TG: variants seen among roughly 807,000 people sequenced by gnomAD.
TG encodes the protein thyroglobulin.
A neutral mutation model predicts 324.7 loss-of-function variants in TG; 270 were observed. That is an observed-to-expected ratio of 0.83 (90% CI 0.75 to 0.92). The LOEUF is 0.92. Ranked by LOEUF, TG falls within the 40% of genes least tolerant of loss-of-function variation. The pLI is 0.00. For missense variants in TG, 3,591 were observed against 3,456.4 expected, an observed-to-expected ratio of 1.04 and a Z score of -0.98; for synonymous variants, 1,401 against 1,327.0, an observed-to-expected ratio of 1.06 and a Z score of -1.21.
At chr8:132,963,123 A>G (rs754842802) in intron 29 of TG, 49 bp downstream of exon 29, 1 of 1,541,536 alleles carries the variant, frequency 6.5e-7, no homozygotes, top group Non-Finnish European at 9.0e-7. Context: ...GAATGCAGAG[A>G]CTAAATGGGT....
At chr8:133,081,362 C>T (rs1441110547) in intron 41 of TG, among the ~76,000 whole-genome samples, 1 of 152,248 alleles carries the variant, frequency 6.6e-6, no homozygotes, top group Non-Finnish European at 1.5e-5. Context: ...GGTGACTTTT[C>T]ACCTCTGGGG....
chr8:133,049,857 C>A, intron 41 of TG: 2 of 1,197,946 alleles, frequency 1.7e-6, no homozygotes, highest in Non-Finnish European at 2.5e-6. Context: ...GAGTCACCAG[C>A]ATACGCATCA....
In TG at chr8:132,923,620, T is replaced by C. The variant is rs1467467646; in HGVS notation, c.4699+112T>C. On this transcript the variant is annotated intron_variant, in intron 22 of 47. Transcript: ENST00000220616. ...GTGCATTTGTCTCCAACTTTTTGTT[T>C]TGAAAAATTTTAATCTGTGTAGAAG... The C allele has an allele frequency of 6.9e-6, 9 of 1,299,260 alleles. No homozygotes were observed. The Admixed American group carries it at 1.1e-4, about 16-fold the overall frequency. 80.5% of individuals were successfully genotyped at this position (1,299,260 alleles called of 1,614,324 possible). A position where few individuals can be genotyped will look rare whatever the true frequency, so the allele number is the denominator to read the frequency against.
chr8:133,045,048 G>A (rs754461378), intron 41 of TG: 3 of 1,614,176 alleles, frequency 1.9e-6, no homozygotes, highest in Admixed American at 1.7e-5. Context: ...TGTAGTACCA[G>A]TTGTTGGGCA....
At chr8:132,942,544 C>A (rs1045302874) in intron 26 of TG, among the ~76,000 whole-genome samples, 2 of 152,124 alleles carry the variant, frequency 1.3e-5, no homozygotes, top group Non-Finnish European at 2.9e-5. Context: ...CATATATGTG[C>A]AATGGAATGT....
intron 10 of TG, 27 bp downstream of exon 10, chr8:132,888,595 ATGTGTGTG>A (rs3832581): frequency 7.5e-6 from 10 of 1,338,278 alleles, no homozygotes; most frequent in South Asian, 4.2e-5. Flanking sequence ...GAAGAGTTAA[ATGTGTGTG>A]TGTGTGTGTG....
At chr8:133,093,054 C>A (rs185252614) in intron 41 of TG, among the ~76,000 whole-genome samples, 27 of 152,248 alleles carry the variant, frequency 1.8e-4, no homozygotes, top group Admixed American at 6.5e-4. Flanking sequence ...CCTGTGGGCC[C>A]TTCTGCTGTT....
chr8:133,046,118 T>G (rs895131238), intron 41 of TG, among the ~76,000 whole-genome samples: 1 of 152,146 alleles, frequency 6.6e-6, no homozygotes, highest in Admixed American at 6.5e-5. Flanking sequence ...TTTCCTCAAA[T>G]GCAAAATGAA....
intron 41 of TG, among the ~76,000 whole-genome samples, chr8:133,086,200 T>C (rs1588046807): frequency 6.6e-6 from 1 of 151,570 alleles, no homozygotes; most frequent in Admixed American, 6.6e-5. Context: ...CGGCTGGGAG[T>C]GAGGGTGGAG....
chr8:132,935,226 C>T (rs1388941843), intron 24 of TG, among the ~76,000 whole-genome samples: 7 of 151,816 alleles, frequency 4.6e-5, no homozygotes, highest in African/African-American at 9.7e-5. Context: ...CTGCAACCTC[C>T]GCCTCCCAGG....
At chr8:132,881,717 G>A (rs1814667575) in intron 5 of TG, 146 bp from the exon 6 acceptor site, 2 of 705,646 alleles carry the variant, frequency 2.8e-6, no homozygotes, top group Non-Finnish European at 5.2e-6. Context: ...TGCATTTACT[G>A]CAGGAAGCAT....
intron 41 of TG, among the ~76,000 whole-genome samples, chr8:133,078,755 AT>A (rs1198365069): frequency 6.6e-6 from 1 of 152,322 alleles, no homozygotes; most frequent in East Asian, 1.9e-4. Context: ...TATTTGCTGA[AT>A]TACTCACTTT....
intron 27 of TG, among the ~76,000 whole-genome samples, chr8:132,951,670 A>G (rs1826119333): frequency 6.6e-6 from 1 of 152,084 alleles, no homozygotes; most frequent in African/African-American, 2.4e-5. Context: ...GTGCACTATG[A>G]TAGGGATTTC....
At chr8:132,971,647 C>A in intron 32 of TG, 147 bp from the exon 33 acceptor site, 2 of 686,348 alleles carry the variant, frequency 2.9e-6, no homozygotes. Context: ...TCCACTCATG[C>A]ATATTGACCA....
At chr8:133,024,909 T>A (rs999688400) in intron 40 of TG, among the ~76,000 whole-genome samples, 48 of 152,300 alleles carry the variant, frequency 3.2e-4, no homozygotes, top group African/African-American at 1.1e-3. Flanking sequence ...GATTTGGCGA[T>A]TCCTCAAAAA....
intron 22 of TG, among the ~76,000 whole-genome samples, chr8:132,924,499 C>T (rs928850966): frequency 1.3e-5 from 2 of 152,168 alleles, no homozygotes; most frequent in African/African-American, 4.8e-5. Flanking sequence ...CAGTCTATTT[C>T]CTGAGAATCA....
At position 132,906,685 on chromosome 8, in the gene TG, C is replaced by G. The variant is rs547462118; in HGVS notation, c.3635-3C>G. The G allele has an allele frequency of 6.2e-6, 10 of 1,613,926 alleles. 1 individual carries two copies. In the South Asian group the frequency reaches 1.1e-4, roughly 18 times the overall value. ...CACCACGGCTCCACTTTCCTTCTCC[C>G]AGGCCCGCGGTGTCCGCTGCCATTC... On this transcript the variant is annotated splice_region_variant and splice_polypyrimidine_tract_variant and intron_variant, in intron 16 of 47. Coordinates refer to ENST00000220616, the MANE Select transcript of TG (RefSeq NM_003235.5).
intron 29 of TG, among the ~76,000 whole-genome samples, chr8:132,965,802 GTGA>G (rs1828478334): frequency 6.6e-6 from 1 of 152,238 alleles, no homozygotes. Flanking sequence ...AAACAGTGTG[GTGA>G]TGAGCTAGAG....
chr8:132,908,421 A>ACCCTGAGGGTTTG, intron 18 of TG, 81 bp downstream of exon 18: 1 of 854,002 alleles, frequency 1.2e-6, no homozygotes. Flanking sequence ...GGCTCACATT[A>ACCCTGAGGGTTTG]ACACAGAGGC....
Sources: allele counts gnomAD v4.1 joint callset (sites outside exome capture counted in the v4.1 genomes callset), GRCh38; gene constraint gnomAD v4.1.1; transcripts MANE v1.5; gene names NCBI Gene and HGNC (gene_info 2026-07-23, HGNC 2026-07-21).